TMEM163: variants seen among roughly 807,000 people sequenced by gnomAD.
The protein encoded by TMEM163 is transmembrane protein 163.
Under a neutral mutation model 29.3 loss-of-function variants are expected in TMEM163, and 17 were observed. The observed-to-expected ratio is 0.58, with a 90% CI of 0.40 to 0.87. The LOEUF (loss-of-function observed/expected upper bound fraction) is 0.87. TMEM163 is among the 40% of genes least tolerant of loss of function. TMEM163 has a pLI of 0.00. For synonymous variants in TMEM163, 157 were observed against 160.6 expected (o/e 0.98, Z 0.17); for missense variants, 303 against 381.5 (o/e 0.79, Z 1.71).
rs1683193743 is a variant in TMEM163, at chr2:134,640,172, AAG to A, written c.322+73026_322+73027del. ...ACAAAATCAGAAGATAAAATTATAA[AAG>A]GCAGAAAAGGAAGGGATGAGCCATG... On this transcript the variant is annotated intron_variant, in intron 2 of 7. Transcript: ENST00000281924. Among the ~76,000 whole-genome samples, 3 of 152,172 alleles carry A rather than the reference AAG, an allele frequency of 2.0e-5. No individual in the cohort carries two copies. In the South Asian group the frequency reaches 6.2e-4, roughly 32 times the overall value.
intron 2 of TMEM163, among the ~76,000 whole-genome samples, chr2:134,586,624 T>C (rs1681829274): frequency 6.6e-6 from 1 of 152,188 alleles, no homozygotes; most frequent in Admixed American, 6.5e-5. Context: ...TACTGGGAGT[T>C]AGGACTTCAA....
intron 4 of TMEM163, among the ~76,000 whole-genome samples, chr2:134,505,373 G>A (rs1240890690): frequency 1.3e-5 from 2 of 151,520 alleles, no homozygotes; most frequent in African/African-American, 2.4e-5. Flanking sequence ...ACACAGGATT[G>A]AGAATGTCCG....
At chr2:134,516,469 C>G (rs1213582197) in intron 4 of TMEM163, among the ~76,000 whole-genome samples, 1 of 151,588 alleles carries the variant, frequency 6.6e-6, no homozygotes, top group Non-Finnish European at 1.5e-5. Flanking sequence ...GTTGAGACAG[C>G]AGAATCACTT....
chr2:134,543,074 G>A (rs1680712056), intron 4 of TMEM163, among the ~76,000 whole-genome samples: 1 of 152,178 alleles, frequency 6.6e-6, no homozygotes, highest in East Asian at 1.9e-4. Context: ...CTTCCGTACT[G>A]GGGGACAAGG....
chr2:134,595,338 C>T (rs528798283), intron 2 of TMEM163, among the ~76,000 whole-genome samples: 1 of 152,138 alleles, frequency 6.6e-6, no homozygotes, highest in Admixed American at 6.5e-5. Context: ...TTGTTCAATT[C>T]CCACCTATGA....
intron 2 of TMEM163, among the ~76,000 whole-genome samples, chr2:134,620,731 T>G (rs1247731979): frequency 6.6e-6 from 1 of 152,204 alleles, no homozygotes. Context: ...GGAAGCTTGG[T>G]CTTTTCAATA....
chr2:134,536,605 T>C (rs1680545452), intron 4 of TMEM163, among the ~76,000 whole-genome samples: 1 of 152,130 alleles, frequency 6.6e-6, no homozygotes. Context: ...TAAACCTCCA[T>C]CTGCCACCTA....
At chr2:134,700,941 A>AATAAATAAATACATAAATACATAAATAC (rs371684167) in intron 2 of TMEM163, among the ~76,000 whole-genome samples, 405 of 146,406 alleles carry the variant, frequency 2.8e-3, no homozygotes, top group African/African-American at 9.4e-3. Context: ...TAAATAAATA[A>AATAAATAAATACATAAATACATAAATAC]ATAAATAAAG....
intron 4 of TMEM163, among the ~76,000 whole-genome samples, chr2:134,547,286 G>A (rs1680814092): frequency 1.3e-5 from 2 of 152,130 alleles, no homozygotes; most frequent in African/African-American, 2.4e-5. Context: ...TGGTGGTGCT[G>A]AAACCAAACT....
rs556776036 is a variant in TMEM163 at position 134,583,457 on chromosome 2, G to A, written c.323-31366C>T. Reference sequence around the variant, plus strand: ...ATCTAAGAAGAGGCTCCTAGAGTTCGAAGAAACAAAAGCAATAAAACCAAG... The same window carrying A: ...ATCTAAGAAGAGGCTCCTAGAGTTCAAAGAAACAAAAGCAATAAAACCAAG... On this transcript the variant is annotated intron_variant, in intron 2 of 7. Coordinates refer to ENST00000281924, the MANE Select transcript of TMEM163 (RefSeq NM_030923.5). 8.8e-4 allele frequency among the ~76,000 whole-genome samples: 134 copies of A among 152,240 alleles called. 2 individuals carry two copies. In the Middle Eastern group the frequency reaches 0.024, roughly 27 times the overall value.
chr2:134,630,260 A>C (rs1404153890), intron 2 of TMEM163, among the ~76,000 whole-genome samples: 1 of 152,086 alleles, frequency 6.6e-6, no homozygotes, highest in Non-Finnish European at 1.5e-5. Flanking sequence ...AACACATGAT[A>C]AGTCTCTAGG....
In TMEM163 at chr2:134,463,059, G is replaced by A. The variant is rs528131073; in HGVS notation, c.667+3055C>T. 1.1e-3 allele frequency among the ~76,000 whole-genome samples: 165 copies of A among 152,334 alleles called. 1 individual carries two copies. Among genetic ancestry groups the A allele is most frequent in the African/African-American group, 3.8e-3 (159 of 41,570 alleles). On this transcript the variant is annotated intron_variant, in intron 6 of 7. Coordinates refer to ENST00000281924, the MANE Select transcript of TMEM163 (RefSeq NM_030923.5). ...CTCACCACTGGGAGCCCACAAAGCT[G>A]TTCAGACCCACACTGCCTACCCCAA...
At chr2:134,543,865 G>A (rs1489420735) in intron 4 of TMEM163, among the ~76,000 whole-genome samples, 2 of 152,166 alleles carry the variant, frequency 1.3e-5, no homozygotes, top group African/African-American at 4.8e-5. Context: ...CCACTGTGGG[G>A]CCCTCCAATT....
At chr2:134,684,876 T>G (rs1027463570) in intron 2 of TMEM163, among the ~76,000 whole-genome samples, 10 of 150,550 alleles carry the variant, frequency 6.6e-5, no homozygotes, top group Admixed American at 6.0e-4. Flanking sequence ...TGAGCCAAGA[T>G]TGTGCCACGG....
At chr2:134,624,380 G>A (rs952382574) in intron 2 of TMEM163, among the ~76,000 whole-genome samples, 6 of 152,262 alleles carry the variant, frequency 3.9e-5, no homozygotes, top group East Asian at 3.9e-4. Flanking sequence ...ACCAGATACC[G>A]CATGTTCTTA....
At chr2:134,484,737 A>G (rs954415853) in intron 5 of TMEM163, among the ~76,000 whole-genome samples, 2 of 152,208 alleles carry the variant, frequency 1.3e-5, no homozygotes, top group Admixed American at 6.5e-5. Context: ...ATCTAACCAA[A>G]ATAACATGTA....
chr2:134,668,256 A>G (rs911088253), intron 2 of TMEM163, among the ~76,000 whole-genome samples: 1 of 152,272 alleles, frequency 6.6e-6, no homozygotes, highest in East Asian at 1.9e-4. Flanking sequence ...GTCCTGGAAC[A>G]AGCCCACAGT....
intron 4 of TMEM163, among the ~76,000 whole-genome samples, chr2:134,542,273 C>T (rs1396671907): frequency 1.3e-5 from 2 of 152,238 alleles, no homozygotes; most frequent in Non-Finnish European, 2.9e-5. Context: ...CACTTGGCAG[C>T]TGTCGTGACC....
intron 4 of TMEM163, among the ~76,000 whole-genome samples, chr2:134,539,782 G>C (rs1443821951): frequency 6.6e-6 from 1 of 152,160 alleles, no homozygotes; most frequent in Non-Finnish European, 1.5e-5. Context: ...GCCATGCTCT[G>C]AGCCTAAAAC....
Sources: allele counts gnomAD v4.1 joint callset (sites outside exome capture counted in the v4.1 genomes callset), GRCh38; gene constraint gnomAD v4.1.1; transcripts MANE v1.5; gene names NCBI Gene and HGNC (gene_info 2026-07-23, HGNC 2026-07-21).